PCDHGB5: variants seen among roughly 807,000 people sequenced by gnomAD.
PCDHGB5 encodes protocadherin gamma-B5.
PCDHGB5 carries 48 observed loss-of-function variants against 62.9 expected under a neutral mutation model. The ratio of observed to expected loss-of-function variants is 0.76; its 90% confidence interval spans 0.61 to 0.97. The LOEUF is 0.97. Ranked by LOEUF, PCDHGB5 falls within the 50% of genes least tolerant of loss-of-function variation. The probability of loss-of-function intolerance (pLI) is 0.00; values close to 1 mark genes in which losing one functional copy is unlikely to be tolerated. For synonymous variants in PCDHGB5, 474 were observed against 511.2 expected, an observed-to-expected ratio of 0.93 and a Z score of 0.98; for missense variants, 1,118 against 1,198.6, an observed-to-expected ratio of 0.93 and a Z score of 0.99.
intron 1 of PCDHGB5, among the ~76,000 whole-genome samples, chr5:141,433,573 C>T (rs1400327372): frequency 1.3e-5 from 2 of 152,046 alleles, no homozygotes; most frequent in Admixed American, 1.3e-4. Flanking sequence ...CGGTGGCTCA[C>T]GCCTGTAATC....
In PCDHGB5 at chr5:141,432,038, C is replaced by T. The variant is rs202246871; in HGVS notation, c.2397+31514C>T. ...CAACATCACAGTGACCGCCACTGAC[C>T]GGGGAACCCCGCCCCTATCCACGGA... On this transcript the variant is annotated intron_variant, in intron 1 of 3. Coordinates refer to ENST00000617380, the MANE Select transcript of PCDHGB5 (RefSeq NM_018925.3). The surrounding 1 kb of genome is among the most constrained non-coding windows in gnomAD (Gnocchi z 6.0). 15 of 1,614,190 alleles carry T rather than the reference C, an allele frequency of 9.3e-6. No individual in the cohort carries two copies. The African/African-American group carries it at 1.5e-4, about 16-fold the overall frequency.
Position 141,414,630 on chromosome 5 carries a change from C to A in PCDHGB5, c.2397+14106C>A. On this transcript the variant is annotated intron_variant, in intron 1 of 3. Coordinates refer to ENST00000617380, the MANE Select transcript of PCDHGB5 (RefSeq NM_018925.3). ...CAGTGACAGCGCTGGACCCGGACAG[C>A]AAAGAGAATGCCCAGATTATTTACT... 2 of 1,613,980 alleles carry A rather than the reference C, an allele frequency of 1.2e-6. No individual in the cohort carries two copies. Among genetic ancestry groups the A allele is most frequent in the Non-Finnish European group, 1.7e-6 (2 of 1,179,892 alleles).
chr5:141,482,885 A>G (rs1353686606), intron 1 of PCDHGB5, among the ~76,000 whole-genome samples: 2 of 152,202 alleles, frequency 1.3e-5, no homozygotes. Flanking sequence ...CAGCCTGGCC[A>G]ACATGGTGAA....
At chr5:141,444,725 T>C (rs1178418239) in intron 1 of PCDHGB5, among the ~76,000 whole-genome samples, 1 of 152,370 alleles carries the variant, frequency 6.6e-6, no homozygotes, top group East Asian at 1.9e-4. Flanking sequence ...TTGGTGCCTT[T>C]GTTGAAAGTC....
intron 1 of PCDHGB5, among the ~76,000 whole-genome samples, chr5:141,452,674 G>A (rs2098746885): frequency 6.6e-6 from 1 of 151,936 alleles, no homozygotes; most frequent in Non-Finnish European, 1.5e-5. Context: ...TCCAGCCTAG[G>A]CCACAGAATG....
intron 1 of PCDHGB5, chr5:141,414,449 C>T (rs1223779483): frequency 6.2e-7 from 1 of 1,613,730 alleles, no homozygotes; most frequent in Non-Finnish European, 8.5e-7. Context: ...TACAATATCA[C>T]AGTGACAGCC....
At chr5:141,500,086 A>G (rs1456179271) in intron 2 of PCDHGB5, among the ~76,000 whole-genome samples, 1 of 151,682 alleles carries the variant, frequency 6.6e-6, no homozygotes, top group Non-Finnish European at 1.5e-5. Flanking sequence ...TCCATCTTCC[A>G]TTTTTGCAAT....
chr5:141,408,311 A>C (rs1467917610), intron 1 of PCDHGB5: 1 of 1,613,650 alleles, frequency 6.2e-7, no homozygotes, highest in African/African-American at 1.3e-5. Context: ...CCGCTACTCG[A>C]TTCCGGAGGA....
chr5:141,491,312 C>T lies in PCDHGB5; in HGVS notation c.2398-3495C>T, dbSNP rs749198887. The stretch of plus-strand genomic sequence containing the variant: ...CACCCTCCTGAGCGTTCAGACCTTA[C>T]CCTTTACCTCATTGTGGCTCTAGCG... On this transcript the variant is annotated intron_variant, in intron 1 of 3. Transcript: ENST00000617380. The surrounding 1 kb of genome is among the most constrained non-coding windows in gnomAD (Gnocchi z 6.9). 3 of 1,614,170 alleles carry T rather than the reference C, an allele frequency of 1.9e-6. No individual in the cohort carries two copies. Among genetic ancestry groups the T allele is most frequent in the East Asian group, 4.5e-5 (2 of 44,878 alleles).
At chr5:141,421,156 C>T in intron 1 of PCDHGB5, 1 of 1,197,694 alleles carries the variant, frequency 8.3e-7, no homozygotes, top group Non-Finnish European at 1.1e-6. Flanking sequence ...CGGCCTAGGA[C>T]TTCATAGATA....
chr5:141,421,829 T>C, intron 1 of PCDHGB5: 1 of 1,613,784 alleles, frequency 6.2e-7, no homozygotes, highest in Non-Finnish European at 8.5e-7. Flanking sequence ...GAGGGAAGCC[T>C]GGACCGAGAG....
Position 141,447,955 on chromosome 5 carries a change from G to A in PCDHGB5, c.2398-46852G>A, listed in dbSNP as rs536740280. On this transcript the variant is annotated intron_variant, in intron 1 of 3. Coordinates refer to ENST00000617380, the MANE Select transcript of PCDHGB5 (RefSeq NM_018925.3). ...ACAAAAATTAGCTGGGCATGGTGGC[G>A]GACACCTATAATCCCAGCTACTCGG... Among the ~76,000 whole-genome samples the A allele has an allele frequency of 1.6e-4, 24 of 151,898 alleles. 1 individual carries two copies. The highest frequency in any genetic ancestry group is 8.3e-4 in the South Asian group (4 of 4,816).
intron 1 of PCDHGB5, among the ~76,000 whole-genome samples, chr5:141,462,688 A>G (rs919098530): frequency 3.9e-5 from 6 of 152,126 alleles, no homozygotes; most frequent in African/African-American, 1.4e-4. Flanking sequence ...TTTTGAGCAC[A>G]TTTATAATGG....
At chr5:141,450,055 G>A (rs1325291695) in intron 1 of PCDHGB5, among the ~76,000 whole-genome samples, 2 of 137,594 alleles carry the variant, frequency 1.5e-5, no homozygotes, top group Non-Finnish European at 3.0e-5. Flanking sequence ...CGCCCAGGCT[G>A]GAATGCAGTG....
At chr5:141,427,882 A>G (rs2097084180) in intron 1 of PCDHGB5, 3 of 1,563,878 alleles carry the variant, frequency 1.9e-6, no homozygotes, top group Non-Finnish European at 2.6e-6. Flanking sequence ...ATGCAGGCCC[A>G]CGACCAGGGC....
chr5:141,432,503 G>T lies in PCDHGB5; in HGVS notation c.2397+31979G>T, dbSNP rs939325676. 8.7e-6 allele frequency: 14 copies of T among 1,613,988 alleles called. No homozygotes were observed. The highest frequency in any genetic ancestry group is 1.3e-5 in the African/African-American group (1 of 74,930). ...TGGCGTGGAGCTGGCTCCCCGCTCC[G>T]CAGAGCCCGGCTACCTGGTGACCAA... On this transcript the variant is annotated intron_variant, in intron 1 of 3. Transcript: ENST00000617380. The surrounding 1 kb of genome is among the most constrained non-coding windows in gnomAD (Gnocchi z 6.0).
In PCDHGB5 at chr5:141,400,498, A is replaced by G. The variant is rs1181845890; in HGVS notation, c.2371A>G (p.Ser791Gly). ...SGALFPLCNS[S>G]ESTSHPELQA... ...GGCCTTATTTCCACTTTGTAATTCC[A>G]GCGAGTCGACTTCCCATCCTGAGTT... Residue 791 changes from serine to glycine, a missense_variant, in exon 1 of 4, where the codon AGC becomes GGC. This residue lies in a region of PCDHGB5 where 1,034 missense variants were observed against 1,029.1 expected (regional missense o/e 1.00). Coordinates refer to ENST00000617380, the MANE Select transcript of PCDHGB5 (RefSeq NM_018925.3). The G allele has an allele frequency of 1.2e-6, 2 of 1,614,034 alleles. No individual in the cohort carries two copies. Among genetic ancestry groups the G allele is most frequent in the Non-Finnish European group, 1.7e-6 (2 of 1,179,862 alleles).
chr5:141,494,936 G>C, intron 2 of PCDHGB5, 71 bp downstream of exon 2: 1 of 1,612,574 alleles, frequency 6.2e-7, no homozygotes, highest in South Asian at 1.1e-5. Flanking sequence ...GGAGGAGATG[G>C]GGGAGGGCCC....
intron 2 of PCDHGB5, among the ~76,000 whole-genome samples, chr5:141,497,621 C>T (rs769483223): frequency 7.3e-5 from 11 of 151,482 alleles, no homozygotes; most frequent in Non-Finnish European, 1.3e-4. Flanking sequence ...CTCACTGCAA[C>T]CTCTGCCTGC....
Sources: gnomAD v4.1 joint callset for allele counts (sites outside exome capture counted in the v4.1 genomes callset) on GRCh38, gnomAD v4.1.1 for gene constraint, gnomAD v4.1.1 regional missense constraint, Gnocchi (gnomAD v3.1) non-coding constraint, MANE v1.5 for transcripts, NCBI Gene and HGNC (gene_info 2026-07-23, HGNC 2026-07-21) for gene names.